ZNF704: variants seen among roughly 807,000 people sequenced by gnomAD.
The protein encoded by ZNF704 is zinc finger protein 704, also known as glucocorticoid induced gene 1.
Under a neutral mutation model 44.7 loss-of-function variants are expected in ZNF704, and 10 were observed. The ratio of observed to expected loss-of-function variants is 0.22; its 90% CI spans 0.14 to 0.38. The LOEUF (loss-of-function observed/expected upper bound fraction) is 0.38. Among genes scored for constraint, ZNF704 ranks in the 10% least tolerant of loss-of-function variants. The pLI, the probability that ZNF704 is intolerant of heterozygous loss-of-function variation, is 1.00. For synonymous variants in ZNF704, 211 were observed against 207.6 expected (o/e 1.02, Z -0.14); for missense variants, 390 against 545.5 (o/e 0.71, Z 2.84).
chr8:80,737,221 T>C (rs1329654901), intron 2 of ZNF704, among the ~76,000 whole-genome samples: 1 of 152,240 alleles, frequency 6.6e-6, no homozygotes, highest in Non-Finnish European at 1.5e-5. Context: ...ACAGTTTCTG[T>C]GGTCAGGAAT....
At chr8:80,690,050 CT>C (rs1197779863) in intron 3 of ZNF704, among the ~76,000 whole-genome samples, 2 of 144,286 alleles carry the variant, frequency 1.4e-5, no homozygotes, top group Non-Finnish European at 3.0e-5. Flanking sequence ...TAGAGAAAAT[CT>C]TTTTTTCCTA....
intron 6 of ZNF704, among the ~76,000 whole-genome samples, chr8:80,660,321 A>T (rs926269401): frequency 5.9e-5 from 9 of 152,094 alleles, no homozygotes; most frequent in Non-Finnish European, 1.2e-4. Context: ...AATTAAAAAA[A>T]ATTAGCCAGG....
chr8:80,832,789 C>T (rs1455770282), intron 1 of ZNF704, among the ~76,000 whole-genome samples: 1 of 152,090 alleles, frequency 6.6e-6, no homozygotes, highest in African/African-American at 2.4e-5. Flanking sequence ...TAAGGCCCTT[C>T]CACTCACCAG....
chr8:80,761,311 A>G (rs529070302), intron 2 of ZNF704, among the ~76,000 whole-genome samples: 2 of 152,360 alleles, frequency 1.3e-5, no homozygotes, highest in East Asian at 3.9e-4. Context: ...ATTTTGTTAT[A>G]GAGCAGGAAA....
At chr8:80,778,245 T>C (rs905439387) in intron 2 of ZNF704, among the ~76,000 whole-genome samples, 1 of 151,922 alleles carries the variant, frequency 6.6e-6, no homozygotes, top group Non-Finnish European at 1.5e-5. Context: ...CCAATAAGCA[T>C]ATTAAAAAAA....
intron 2 of ZNF704, among the ~76,000 whole-genome samples, chr8:80,727,531 C>T (rs1406891815): frequency 6.6e-6 from 1 of 151,246 alleles, no homozygotes; most frequent in South Asian, 2.1e-4. Context: ...TGCAAGAGTT[C>T]GCCTTCGGGT....
intron 1 of ZNF704, among the ~76,000 whole-genome samples, chr8:80,834,421 G>A (rs144034048): frequency 7.2e-5 from 11 of 152,248 alleles, no homozygotes; most frequent in African/African-American, 1.9e-4. Flanking sequence ...GAAGCCCTGC[G>A]TTATGTTTTG....
Position 80,775,109 on chromosome 8 carries a change from T to C in ZNF704, c.221+46265A>G, listed in dbSNP as rs534102616. Among the ~76,000 whole-genome samples the C allele has an allele frequency of 2.4e-4, 36 of 152,328 alleles. No individual in the cohort carries two copies. In the South Asian group the frequency reaches 7.1e-3, roughly 30 times the overall value. On this transcript the variant is annotated intron_variant, in intron 2 of 8. Transcript: ENST00000327835. Reference sequence around the variant, plus strand: ...CAAAAGTGGAAATCTCCTACTCAGCTATTTTTATTAACCATCCTATCATCT... The same window carrying C: ...CAAAAGTGGAAATCTCCTACTCAGCCATTTTTATTAACCATCCTATCATCT...
At chr8:80,657,601 G>A (rs1283514271) in intron 7 of ZNF704, among the ~76,000 whole-genome samples, 2 of 151,922 alleles carry the variant, frequency 1.3e-5, no homozygotes, top group East Asian at 3.9e-4. Context: ...GCTGAAGTGG[G>A]GAAGATGAGC....
chr8:80,741,046 A>G (rs1788590115), intron 2 of ZNF704, among the ~76,000 whole-genome samples: 1 of 152,252 alleles, frequency 6.6e-6, no homozygotes, highest in African/African-American at 2.4e-5. Flanking sequence ...CAAAGGCACT[A>G]GGGCCCTCAG....
intron 2 of ZNF704, among the ~76,000 whole-genome samples, chr8:80,741,130 A>G (rs552745928): frequency 6.6e-5 from 10 of 152,390 alleles, no homozygotes; most frequent in African/African-American, 2.4e-4. Context: ...GCTCCTTGGC[A>G]TAACAGGCTT....
intron 4 of ZNF704, among the ~76,000 whole-genome samples, chr8:80,684,769 T>A (rs1288227641): frequency 6.6e-6 from 1 of 152,194 alleles, no homozygotes; most frequent in Non-Finnish European, 1.5e-5. Context: ...TTTTGACACC[T>A]TGAAGGAAAA....
intron 2 of ZNF704, among the ~76,000 whole-genome samples, chr8:80,734,698 A>G (rs1481162287): frequency 6.6e-6 from 1 of 152,252 alleles, no homozygotes; most frequent in Non-Finnish European, 1.5e-5. Context: ...TATAAGTTTT[A>G]GCATGTATTC....
At chr8:80,821,669 A>G in intron 1 of ZNF704, 54 bp from the exon 2 acceptor site, 4 of 1,352,478 alleles carry the variant, frequency 3.0e-6, no homozygotes, top group Non-Finnish European at 4.2e-6. Context: ...CCTTTGTACG[A>G]CTACTGCAGA....
chr8:80,849,260 T>G (rs537015734), intron 1 of ZNF704, among the ~76,000 whole-genome samples: 2 of 152,294 alleles, frequency 1.3e-5, no homozygotes, highest in South Asian at 4.1e-4. Context: ...GGACCTCTTA[T>G]CCAGATGCAC....
chr8:80,764,708 T>G (rs1190364819), intron 2 of ZNF704, among the ~76,000 whole-genome samples: 1 of 152,244 alleles, frequency 6.6e-6, no homozygotes, highest in East Asian at 1.9e-4. Context: ...GCTTGGCCAT[T>G]GTAATTAAGT....
intron 2 of ZNF704, among the ~76,000 whole-genome samples, chr8:80,711,365 G>A (rs1274334266): frequency 6.6e-6 from 1 of 152,176 alleles, no homozygotes. Flanking sequence ...GGTTAGTGAT[G>A]TTTTTGTCAC....
chr8:80,882,841 T>A, the ZNF704 span, among the ~76,000 whole-genome samples: 1 of 152,088 alleles, frequency 6.6e-6, no homozygotes, highest in Non-Finnish European at 1.5e-5. Flanking sequence ...TAAAGTTTAG[T>A]TTGCAGATTT....
At chr8:80,652,434 GAAGAA>G (rs1450683195) in intron 7 of ZNF704, among the ~76,000 whole-genome samples, 1 of 151,786 alleles carries the variant, frequency 6.6e-6, no homozygotes, top group Non-Finnish European at 1.5e-5. Context: ...GACTAATAAA[GAAGAA>G]AAGAGAGAAG....
Sources: allele counts gnomAD v4.1 joint callset (sites outside exome capture counted in the v4.1 genomes callset), GRCh38; gene constraint gnomAD v4.1.1; transcripts MANE v1.5; gene names NCBI Gene and HGNC (gene_info 2026-07-23, HGNC 2026-07-21).